Variants in ZNF804B observed in about 807,000 individuals in gnomAD.
ZNF804B encodes the protein zinc finger 804B.
A neutral mutation model predicts 101.4 loss-of-function variants in ZNF804B; 80 were observed. The ratio of observed to expected loss-of-function variants is 0.79; its 90% CI spans 0.66 to 0.95. The LOEUF is 0.95. ZNF804B is among the 40% of genes least tolerant of loss of function. The probability of loss-of-function intolerance (pLI) is 0.00; values close to 1 mark genes in which losing one functional copy is unlikely to be tolerated. For synonymous variants in ZNF804B, 622 were observed against 558.8 expected (o/e 1.11, Z -1.59); for missense variants, 1,673 against 1,561.9 (o/e 1.07, Z -1.20).
At chr7:89,196,063 C>G (rs1788546521) in intron 1 of ZNF804B, among the ~76,000 whole-genome samples, 4 of 152,028 alleles carry the variant, frequency 2.6e-5, no homozygotes, top group African/African-American at 9.7e-5. Flanking sequence ...TCTTAGAATT[C>G]ATATGGAACC....
chr7:89,287,425 T>G (rs901076599), intron 2 of ZNF804B, among the ~76,000 whole-genome samples: 3 of 152,168 alleles, frequency 2.0e-5, no homozygotes, highest in African/African-American at 7.2e-5. Context: ...TTTCTCAGAT[T>G]TTCTCCCTGA....
intron 2 of ZNF804B, among the ~76,000 whole-genome samples, chr7:89,305,103 T>G (rs1332386356): frequency 6.6e-6 from 1 of 152,004 alleles, no homozygotes; most frequent in Non-Finnish European, 1.5e-5. Context: ...TAACAGCATT[T>G]ATGTCATAGT....
chr7:89,129,704 A>G (rs1790519044), intron 1 of ZNF804B, among the ~76,000 whole-genome samples: 1 of 152,012 alleles, frequency 6.6e-6, no homozygotes, highest in Non-Finnish European at 1.5e-5. Context: ...ACAAATTAGA[A>G]TGTTAGGCAT....
rs1432701219 is a variant in ZNF804B, at chr7:89,171,335, T to G, written c.109-46820T>G. The stretch of plus-strand genomic sequence containing the variant: ...CTTCTTCTTCTTCTTCTTCTTCTTC[T>G]TCTTCTTCTTCTTCTTCTTCTTCCT... On this transcript the variant is annotated intron_variant, in intron 1 of 3. Transcript: ENST00000333190. Among the ~76,000 whole-genome samples the G allele has an allele frequency of 4.8e-5, 6 of 124,778 alleles. 1 individual carries two copies. Among genetic ancestry groups the G allele is most frequent in the Admixed American group, 4.5e-4 (6 of 13,348 alleles). 81.9% of individuals were successfully genotyped at this position (124,778 alleles called of 152,430 possible). A position where few individuals can be genotyped will look rare whatever the true frequency, so the allele number is the denominator to read the frequency against.
intron 1 of ZNF804B, among the ~76,000 whole-genome samples, chr7:89,025,743 C>T (rs1788740371): frequency 6.6e-6 from 1 of 152,068 alleles, no homozygotes; most frequent in African/African-American, 2.4e-5. Flanking sequence ...TTATTTGAAT[C>T]CATCATACTA....
chr7:89,031,674 T>C (rs12111706), intron 1 of ZNF804B, among the ~76,000 whole-genome samples: 19,921 of 150,750 alleles, frequency 0.13, 1,674 homozygotes, highest in East Asian at 0.27. Flanking sequence ...TTTTTTTTTT[T>C]CCCAAATGTA....
intron 1 of ZNF804B, among the ~76,000 whole-genome samples, chr7:88,852,286 A>G (rs908709208): frequency 2.0e-5 from 3 of 152,064 alleles, no homozygotes; most frequent in Admixed American, 1.3e-4. Context: ...GTAATGTTAG[A>G]TATATTTCTT....
At chr7:88,970,454 A>G (rs944810628) in intron 1 of ZNF804B, among the ~76,000 whole-genome samples, 3 of 151,412 alleles carry the variant, frequency 2.0e-5, no homozygotes, top group African/African-American at 7.3e-5. Flanking sequence ...ACATTTTATA[A>G]TAAGTAAACC....
Position 88,833,494 on chromosome 7 carries a change from A to C in ZNF804B, c.108+73410A>C, listed in dbSNP as rs565050653. Among the ~76,000 whole-genome samples the C allele has an allele frequency of 6.6e-5, 10 of 151,776 alleles. No individual in the cohort carries two copies. The East Asian group carries it at 1.9e-3, about 29-fold the overall frequency. On this transcript the variant is annotated intron_variant, in intron 1 of 3. Transcript: ENST00000333190. ...GGGAGTTACAATATTAAGATGAAGA[A>C]GGTAGAAAGTCAGGGACTTGGCCCT...
chr7:89,220,106 T>TGA (rs140767891), intron 2 of ZNF804B, among the ~76,000 whole-genome samples: 1 of 57,844 alleles, frequency 1.7e-5, no homozygotes, highest in Non-Finnish European at 3.6e-5. Context: ...CATATATATG[T>TGA]GTGTATATAC....
chr7:88,827,319 C>T (rs2115773692), intron 1 of ZNF804B, among the ~76,000 whole-genome samples: 2 of 151,344 alleles, frequency 1.3e-5, no homozygotes, highest in East Asian at 1.9e-4. Flanking sequence ...AGAAAGAGTA[C>T]TATAAAATTT....
chr7:88,929,941 C>A (rs1562834992), intron 1 of ZNF804B, among the ~76,000 whole-genome samples: 1 of 150,990 alleles, frequency 6.6e-6, no homozygotes, highest in Non-Finnish European at 1.5e-5. Flanking sequence ...CTCGAACTTT[C>A]AAAAAAAATG....
chr7:89,250,583 T>A (rs951427741), intron 2 of ZNF804B, among the ~76,000 whole-genome samples: 7 of 152,106 alleles, frequency 4.6e-5, no homozygotes, highest in African/African-American at 1.7e-4. Flanking sequence ...CCTCCCTAAC[T>A]CATTCTACAA....
chr7:89,208,081 G>GTTTTTTTTT (rs201597943), intron 1 of ZNF804B, among the ~76,000 whole-genome samples: 1 of 135,422 alleles, frequency 7.4e-6, no homozygotes. Flanking sequence ...TATTTTATTG[G>GTTTTTTTTT]GTTTTTTTTT....
chr7:89,034,934 A>T (rs533374904), intron 1 of ZNF804B, among the ~76,000 whole-genome samples: 3 of 152,256 alleles, frequency 2.0e-5, no homozygotes, highest in African/African-American at 7.2e-5. Flanking sequence ...CTTTTTAATG[A>T]TCACCACTGA....
chr7:88,999,171 C>G (rs555071292), intron 1 of ZNF804B, among the ~76,000 whole-genome samples: 1 of 152,130 alleles, frequency 6.6e-6, no homozygotes, highest in East Asian at 1.9e-4. Context: ...GTTTTAGAGA[C>G]TGTCAAATTA....
chr7:89,026,541 AT>A (rs1212371069), intron 1 of ZNF804B, among the ~76,000 whole-genome samples: 3 of 152,132 alleles, frequency 2.0e-5, no homozygotes, highest in Admixed American at 6.6e-5. Context: ...TATTCCAAAA[AT>A]TTGGTTATGA....
Position 89,334,272 on chromosome 7 carries a change from A to G in ZNF804B, c.1290A>G (p.Glu430=). Residue 430 remains glutamate (E), a synonymous_variant, in exon 4 of 4, where the codon GAA becomes GAG. Coordinates refer to ENST00000333190, the MANE Select transcript of ZNF804B (RefSeq NM_181646.5). The part of the protein sequence containing the change: ...VSKNVQRLVK[E]ACTHNVASKP... Reference sequence around the variant, plus strand: ...AAAATGTTCAAAGACTTGTAAAAGAAGCATGTACCCATAATGTGGCATCTA... The same window carrying G: ...AAAATGTTCAAAGACTTGTAAAAGAGGCATGTACCCATAATGTGGCATCTA... The G allele has an allele frequency of 1.2e-6, 2 of 1,613,820 alleles. No individual in the cohort carries two copies. Among genetic ancestry groups the G allele is most frequent in the Non-Finnish European group, 1.7e-6 (2 of 1,179,852 alleles).
chr7:88,760,470 T>C (rs577312978), intron 1 of ZNF804B, among the ~76,000 whole-genome samples: 1 of 152,336 alleles, frequency 6.6e-6, no homozygotes, highest in South Asian at 2.1e-4. Flanking sequence ...AAGTCATCAG[T>C]TGAGATTAGT....
Sources: gnomAD v4.1 joint callset for allele counts (sites outside exome capture counted in the v4.1 genomes callset) on GRCh38, gnomAD v4.1.1 for gene constraint, MANE v1.5 for transcripts, NCBI Gene and HGNC (gene_info 2026-07-23, HGNC 2026-07-21) for gene names.